The following WASF3 variants were observed in gnomAD, a reference collection of about 807,000 sequenced individuals.
The protein encoded by WASF3 is WASP family member 3.
A neutral mutation model predicts 46.6 loss-of-function variants in WASF3; 11 were observed. The observed-to-expected ratio is 0.24, with a 90% CI of 0.15 to 0.39. The LOEUF (loss-of-function observed/expected upper bound fraction) is 0.39, where lower values mean the gene tolerates loss of function less well. Ranked by LOEUF, WASF3 falls within the 10% of genes least tolerant of loss-of-function variation. WASF3 has a pLI of 1.00. For missense variants in WASF3, 576 were observed against 669.8 expected (o/e 0.86, Z 1.55); for synonymous variants, 242 against 259.7 (o/e 0.93, Z 0.65).
intron 2 of WASF3, among the ~76,000 whole-genome samples, chr13:26,634,173 G>T (rs936359173): frequency 7.2e-5 from 11 of 152,214 alleles, no homozygotes; most frequent in African/African-American, 2.7e-4. Context: ...GGGTGCATCT[G>T]TATTGGGTGC....
chr13:26,569,856 GAAAAAGAGAACATCCT>G (rs1343102055), intron 1 of WASF3, among the ~76,000 whole-genome samples: 3 of 152,182 alleles, frequency 2.0e-5, no homozygotes, highest in Non-Finnish European at 4.4e-5. Flanking sequence ...TGTCAGCCAT[GAAAAAGAGAACATCCT>G]AAAATATCCT....
intron 1 of WASF3, among the ~76,000 whole-genome samples, chr13:26,582,853 A>G (rs1880025481): frequency 6.6e-6 from 1 of 152,102 alleles, no homozygotes; most frequent in South Asian, 2.1e-4. Flanking sequence ...AAACCTTCAG[A>G]TCTGTATGTG....
chr13:26,656,049 A>G (rs892008846), intron 3 of WASF3, among the ~76,000 whole-genome samples: 1 of 152,208 alleles, frequency 6.6e-6, no homozygotes, highest in African/African-American at 2.4e-5. Context: ...TGTGTGTGCT[A>G]AAATTTATGA....
At chr13:26,602,894 C>G (rs1260900641) in intron 1 of WASF3, among the ~76,000 whole-genome samples, 2 of 152,020 alleles carry the variant, frequency 1.3e-5, no homozygotes, top group African/African-American at 4.8e-5. Context: ...TTTTCTTTGT[C>G]CAAATGTAAG....
chr13:26,659,677 C>T (rs981259389), intron 3 of WASF3, among the ~76,000 whole-genome samples: 4 of 151,972 alleles, frequency 2.6e-5, no homozygotes, highest in African/African-American at 9.7e-5. Context: ...GCAGGTGGTG[C>T]GTGCAGAGCA....
intron 6 of WASF3, among the ~76,000 whole-genome samples, chr13:26,675,005 T>C (rs1883022123): frequency 6.6e-6 from 1 of 152,188 alleles, no homozygotes; most frequent in Non-Finnish European, 1.5e-5. Context: ...TGTGGATCCA[T>C]GCCTAAAGCC....
intron 2 of WASF3, among the ~76,000 whole-genome samples, chr13:26,617,527 A>T (rs1881171213): frequency 6.6e-6 from 1 of 152,172 alleles, no homozygotes; most frequent in Non-Finnish European, 1.5e-5. Flanking sequence ...AGTGGTAAGG[A>T]CATGGACTGA....
At chr13:26,664,991 C>T (rs757989251) in intron 3 of WASF3, 37 bp from the exon 4 acceptor site, 11 of 1,611,740 alleles carry the variant, frequency 6.8e-6, no homozygotes, top group Non-Finnish European at 9.3e-6. Flanking sequence ...CATCAGCTCC[C>T]TAACAGATGG....
chr13:26,642,971 A>G (rs1882044174), intron 3 of WASF3, among the ~76,000 whole-genome samples: 1 of 152,226 alleles, frequency 6.6e-6, no homozygotes, highest in Non-Finnish European at 1.5e-5. Flanking sequence ...TGGTTATTTT[A>G]TGTATATGGT....
intron 1 of WASF3, chr13:26,577,380 A>G (rs1403829433): frequency 1.3e-6 from 1 of 770,090 alleles, no homozygotes; most frequent in African/African-American, 1.7e-5. Flanking sequence ...CAAATCCGGA[A>G]GAATATGATG....
In WASF3 at chr13:26,667,681, A is replaced by T; in HGVS notation, c.422+11A>T. ...CCTGACACCATACAGGTATAGCTTCATGAGTCCCAGAGCCTCTCCTTGAGA... is the reference window on the plus strand; with the variant it reads ...CCTGACACCATACAGGTATAGCTTCTTGAGTCCCAGAGCCTCTCCTTGAGA... On this transcript the variant is annotated intron_variant, in intron 5 of 9. Coordinates refer to ENST00000335327, the MANE Select transcript of WASF3 (RefSeq NM_006646.6). The T allele has an allele frequency of 6.2e-7, 1 of 1,612,044 alleles. No individual in the cohort carries two copies. The highest frequency in any genetic ancestry group is 8.5e-7 in the Non-Finnish European group (1 of 1,179,198).
At chr13:26,626,503 T>G (rs1881467313) in intron 2 of WASF3, among the ~76,000 whole-genome samples, 2 of 152,202 alleles carry the variant, frequency 1.3e-5, no homozygotes, top group South Asian at 4.1e-4. Context: ...AAGCAAAGAA[T>G]CTTTGTCAGA....
intron 3 of WASF3, among the ~76,000 whole-genome samples, 171 bp from the exon 4 acceptor site, chr13:26,664,857 A>T (rs1046419328): frequency 1.3e-5 from 2 of 152,242 alleles, no homozygotes; most frequent in Non-Finnish European, 2.9e-5. Context: ...TTATATGAGT[A>T]TCTCTAATAA....
chr13:26,650,440 C>T (rs750255936), intron 3 of WASF3, among the ~76,000 whole-genome samples: 3 of 152,114 alleles, frequency 2.0e-5, no homozygotes, highest in Non-Finnish European at 2.9e-5. Flanking sequence ...GCAAAAAACA[C>T]AGTTTGAAGG....
intron 9 of WASF3, among the ~76,000 whole-genome samples, chr13:26,683,362 G>A (rs972142239): frequency 2.6e-5 from 4 of 152,076 alleles, no homozygotes; most frequent in African/African-American, 9.7e-5. Flanking sequence ...TGTAGTCCCA[G>A]CTACTCAGGA....
intron 1 of WASF3, among the ~76,000 whole-genome samples, chr13:26,558,253 T>C (rs1229324741): frequency 6.6e-6 from 1 of 151,998 alleles, no homozygotes; most frequent in Admixed American, 6.5e-5. Context: ...GTTCAGTGTC[T>C]GCGCGCCCTC....
intron 5 of WASF3, among the ~76,000 whole-genome samples, chr13:26,667,954 G>T (rs530092003): frequency 2.4e-4 from 37 of 152,296 alleles, no homozygotes; most frequent in Admixed American, 2.0e-4. Flanking sequence ...GTAGAAGTGA[G>T]TAAGTTGCAT....
the WASF3 span, among the ~76,000 whole-genome samples, chr13:26,547,756 C>T: frequency 6.6e-6 from 1 of 152,116 alleles, no homozygotes; most frequent in Non-Finnish European, 1.5e-5. Flanking sequence ...ATCGCAAGTT[C>T]CTTGGTGGCT....
intron 1 of WASF3, among the ~76,000 whole-genome samples, chr13:26,583,516 A>G (rs748682090): frequency 1.3e-4 from 20 of 152,238 alleles, no homozygotes; most frequent in Non-Finnish European, 2.4e-4. Context: ...AGGCTCCTTA[A>G]GCCCAAGTAG....
Sources: gnomAD v4.1 joint callset for allele counts (sites outside exome capture counted in the v4.1 genomes callset) on GRCh38, gnomAD v4.1.1 for gene constraint, MANE v1.5 for transcripts, NCBI Gene and HGNC (gene_info 2026-07-23, HGNC 2026-07-21) for gene names.